The following BLVRB variants were observed in gnomAD, a reference collection of about 807,000 sequenced individuals.
BLVRB encodes biliverdin reductase B.
In BLVRB, 25 loss-of-function variants were observed where a neutral mutation model predicts 21.1. The observed-to-expected ratio is 1.19, with a 90% CI of 0.86 to 1.66. The LOEUF (loss-of-function observed/expected upper bound fraction) is 1.66, where lower values mean the gene tolerates loss of function less well. Ranked by LOEUF, BLVRB falls within the 40% of genes most tolerant of loss-of-function variation. BLVRB has a pLI of 0.00. For missense variants in BLVRB, 274 were observed against 282.7 expected (o/e 0.97, Z 0.22); for synonymous variants, 128 against 122.2 (o/e 1.05, Z -0.31).
At chr19:40,451,265 C>G (rs1029365272) in intron 4 of BLVRB, 99 bp downstream of exon 4, 6 of 1,513,066 alleles carry the variant, frequency 4.0e-6, no homozygotes, top group Non-Finnish European at 5.3e-6. Context: ...GGAAGGTTTG[C>G]AATTTTAGGG....
intron 3 of BLVRB, among the ~76,000 whole-genome samples, chr19:40,453,032 C>T (rs1244085554): frequency 6.6e-6 from 1 of 152,084 alleles, no homozygotes; most frequent in African/African-American, 2.4e-5. Flanking sequence ...CATTGCACTC[C>T]AGCCTGGGTG....
At chr19:40,464,412 G>C (rs1413194997) in intron 1 of BLVRB, among the ~76,000 whole-genome samples, 1 of 151,770 alleles carries the variant, frequency 6.6e-6, no homozygotes, top group African/African-American at 2.4e-5. Flanking sequence ...CCTTTGCTGA[G>C]GGGGACAGCA....
intron 4 of BLVRB, among the ~76,000 whole-genome samples, chr19:40,449,915 C>A (rs1277371485): frequency 6.6e-6 from 1 of 152,052 alleles, no homozygotes; most frequent in Non-Finnish European, 1.5e-5. Flanking sequence ...TTTTCACACA[C>A]TTGGCTGGGC....
At chr19:40,462,480 G>A (rs985954159) in intron 1 of BLVRB, among the ~76,000 whole-genome samples, 6 of 150,852 alleles carry the variant, frequency 4.0e-5, no homozygotes, top group Admixed American at 2.6e-4. Flanking sequence ...GGGTTTCACG[G>A]TGTTAGCCAG....
intron 1 of BLVRB, among the ~76,000 whole-genome samples, chr19:40,461,564 G>C (rs754142363): frequency 5.3e-5 from 8 of 150,298 alleles, no homozygotes; most frequent in Non-Finnish European, 1.2e-4. Flanking sequence ...CAGTGGTGCA[G>C]TCTCGGCTCA....
chr19:40,460,266 A>ATATATATATATATATATATATATATATG (rs2079781223), intron 1 of BLVRB, among the ~76,000 whole-genome samples: 2 of 142,508 alleles, frequency 1.4e-5, no homozygotes, highest in Non-Finnish European at 3.0e-5. Context: ...ATATATATAT[A>ATATATATATATATATATATATATATATG]TATATATATT....
intron 1 of BLVRB, among the ~76,000 whole-genome samples, chr19:40,462,520 C>A (rs1475368449): frequency 1.3e-5 from 2 of 150,638 alleles, no homozygotes; most frequent in Non-Finnish European, 3.0e-5. Context: ...CCTTGTGATC[C>A]GCCCACCTTG....
At chr19:40,464,543 T>G (rs892673646) in intron 1 of BLVRB, among the ~76,000 whole-genome samples, 2 of 152,132 alleles carry the variant, frequency 1.3e-5, no homozygotes, top group Non-Finnish European at 1.5e-5. Flanking sequence ...TGGAATTCGG[T>G]GGAATTAGTG....
chr19:40,461,269 C>T (rs992132670), intron 1 of BLVRB, among the ~76,000 whole-genome samples: 1 of 152,146 alleles, frequency 6.6e-6, no homozygotes, highest in Admixed American at 6.6e-5. Context: ...CTGGGTCCTC[C>T]CTGGGCTCCT....
chr19:40,451,294 C>T, intron 4 of BLVRB, 70 bp downstream of exon 4: 2 of 1,556,754 alleles, frequency 1.3e-6, no homozygotes, highest in Non-Finnish European at 1.7e-6. Context: ...GAAGGCCTTG[C>T]AGATCTCCCC....
chr19:40,460,041 G>A (rs1298531762), intron 1 of BLVRB, among the ~76,000 whole-genome samples: 1 of 152,010 alleles, frequency 6.6e-6, no homozygotes, highest in Non-Finnish European at 1.5e-5. Context: ...CCTTACTGCT[G>A]GGAAGCCCAG....
chr19:40,465,597 C>T lies in BLVRB; in HGVS notation c.79+13G>A, dbSNP rs748531515. The T allele has an allele frequency of 5.6e-6, 9 of 1,608,562 alleles. No homozygotes were observed. Among genetic ancestry groups the T allele is most frequent in the African/African-American group, 5.3e-5 (4 of 74,960 alleles). Reference sequence around the variant, plus strand: ...TCTGTCCCGTGACATGCCCCGCCCGCCCCGGCTCATGCCTGCTTGCACCGC... The same window carrying T: ...TCTGTCCCGTGACATGCCCCGCCCGTCCCGGCTCATGCCTGCTTGCACCGC... On this transcript the variant is annotated intron_variant, in intron 1 of 4. Coordinates refer to ENST00000263368, the MANE Select transcript of BLVRB (RefSeq NM_000713.3).
In BLVRB at chr19:40,465,743, A is replaced by C. The variant is rs3745208; in HGVS notation, c.-55T>G. 8.9e-6 allele frequency: 14 copies of C among 1,577,258 alleles called. No individual in the cohort carries two copies. In the African/African-American group the frequency reaches 1.8e-4, roughly 20 times the overall value. On this transcript the variant is annotated 5_prime_UTR_variant, in exon 1 of 5. Coordinates refer to ENST00000263368, the MANE Select transcript of BLVRB (RefSeq NM_000713.3). ...AGAGTCTCGGCACGCGCGGGAACCC[A>C]CTGGCTGCTGGGCGGTGCTCTCTGC...
Position 40,451,389 on chromosome 19 carries a change from G to A in BLVRB, c.438C>T (p.Tyr146=), listed in dbSNP as rs577568315. ...CTATGTGTGGCGGCATCACAGCCAC[G>A]TACTTCAGGCCTGATTCCCGCAGCA... ...HKVLRESGLK[Y]VAVMPPHIGD... is the part of the protein sequence containing the mutation. The change falls in exon 4 of 5, where the codon TAC becomes TAT. Residue 146 remains tyrosine, a synonymous_variant. Transcript: ENST00000263368. The A allele has an allele frequency of 2.5e-4, 408 of 1,608,324 alleles. 3 individuals are homozygous for A. The South Asian group carries it at 3.9e-3, about 15-fold the overall frequency.
intron 1 of BLVRB, among the ~76,000 whole-genome samples, chr19:40,460,759 A>G (rs12981511): frequency 0.18 from 27,767 of 152,082 alleles, 3,085 homozygotes; most frequent in African/African-American, 0.32. Context: ...GATCACCTGA[A>G]GTTGGAAGTC....
Position 40,458,193 on chromosome 19 carries a change from T to G in BLVRB, c.296A>C (p.Lys99Thr). ...EGARNIVAAM[K>T]AHGVDKVVAC... The stretch of plus-strand genomic sequence containing the variant: ...CACGACCTTGTCCACACCATGAGCC[T>G]TCATGGCTGCCACAATGTTCCGGGC... The change falls in exon 3 of 5, where the codon AAG (lysine) becomes ACG (threonine). Residue 99 changes from lysine to threonine, a missense_variant. Transcript: ENST00000263368. 3.1e-6 allele frequency: 5 copies of G among 1,613,894 alleles called. No individual in the cohort carries two copies. The highest frequency in any genetic ancestry group is 4.2e-6 in the Non-Finnish European group (5 of 1,179,958).
chr19:40,452,103 A>G (rs1671671809), intron 3 of BLVRB, among the ~76,000 whole-genome samples: 1 of 151,974 alleles, frequency 6.6e-6, no homozygotes, highest in African/African-American at 2.4e-5. Context: ...GAACACCCCT[A>G]TCAGTTCACA....
rs140334586 is a variant in BLVRB at position 40,460,997 on chromosome 19, A to AAAC, written c.80-2455_80-2453dup. Among the ~76,000 whole-genome samples the AAAC allele has an allele frequency of 2.6e-5, 4 of 151,870 alleles. No homozygotes were observed. In the East Asian group the frequency reaches 7.7e-4, roughly 29 times the overall value. On this transcript the variant is annotated intron_variant, in intron 1 of 4. Coordinates refer to ENST00000263368, the MANE Select transcript of BLVRB (RefSeq NM_000713.3). Reference sequence around the variant, plus strand: ...CAAACAAAACAAAACAAAACAAAACAAACAACAACAACAACAATAAACATA... The same window carrying AAAC: ...CAAACAAAACAAAACAAAACAAAACAAACAACAACAACAACAACAATAAACATA...
chr19:40,458,626 T>C lies in BLVRB; in HGVS notation c.80-81A>G, dbSNP rs963702698. 81 of 1,444,682 alleles carry C rather than the reference T, an allele frequency of 5.6e-5. 1 individual carries two copies. The highest frequency in any genetic ancestry group is 7.1e-5 in the Non-Finnish European group (77 of 1,089,472). The allele number at this position is 1,444,682 out of a possible 1,614,324, so 89.5% of individuals were successfully genotyped here. A position where few individuals can be genotyped will look rare whatever the true frequency, so the allele number is the denominator to read the frequency against. On this transcript the variant is annotated intron_variant, in intron 1 of 4. Transcript: ENST00000263368. Reference sequence around the variant, plus strand: ...AGGAGCTGGGTCCTAGAAGCCACCATGAACTCTCAAATCCATCCCCTCCTC... The same window carrying C: ...AGGAGCTGGGTCCTAGAAGCCACCACGAACTCTCAAATCCATCCCCTCCTC...
Sources: gnomAD v4.1 joint callset for allele counts (sites outside exome capture counted in the v4.1 genomes callset) on GRCh38, gnomAD v4.1.1 for gene constraint, MANE v1.5 for transcripts, NCBI Gene and HGNC (gene_info 2026-07-23, HGNC 2026-07-21) for gene names.